MMAB: variants seen among roughly 807,000 people sequenced by gnomAD.
MMAB encodes corrinoid adenosyltransferase MMAB.
Under a neutral mutation model 30.6 loss-of-function variants are expected in MMAB, and 17 were observed. That is an observed-to-expected ratio of 0.56 (90% CI 0.38 to 0.83). MMAB has a LOEUF of 0.83. Among genes scored for constraint, MMAB ranks in the 40% least tolerant of loss-of-function variants. The pLI is 0.00. For missense variants in MMAB, 311 were observed against 331.6 expected, an observed-to-expected ratio of 0.94 and a Z score of 0.48; for synonymous variants, 134 against 138.6, an observed-to-expected ratio of 0.97 and a Z score of 0.23.
Position 109,561,716 on chromosome 12 carries a change from G to C in MMAB, c.421+64C>G. The C allele has an allele frequency of 6.8e-7, 1 of 1,469,256 alleles. No individual in the cohort carries two copies. The highest frequency in any genetic ancestry group is 9.3e-7 in the Non-Finnish European group (1 of 1,070,004). The allele number at this position is 1,469,256 out of a possible 1,614,324, so 91.0% of individuals were successfully genotyped here. On this transcript the variant is annotated intron_variant, in intron 5 of 8. Coordinates refer to ENST00000545712, the MANE Select transcript of MMAB (RefSeq NM_052845.4). This position sits in a 1 kb window ranked among gnomAD's most constrained non-coding sequence, Gnocchi z 5.3. The stretch of plus-strand genomic sequence containing the variant: ...CCCTGGGGGCCTGGGATCCCAGATG[G>C]TGACCCTAGGAGAGTCCCCTGACCC...
At position 109,554,586 on chromosome 12, in the gene MMAB, CTGAT is replaced by C. The variant is rs1453552267; in HGVS notation, c.*2438_*2441del. ...AACCCCGTGTTCCCGTGCAATGGGACTGATTGTTTCTGAGAGTTGCCAGTGGTGT... is the reference window on the plus strand; with the variant it reads ...AACCCCGTGTTCCCGTGCAATGGGACTGTTTCTGAGAGTTGCCAGTGGTGT... On this transcript the variant is annotated 3_prime_UTR_variant, in exon 9 of 9. Coordinates refer to ENST00000545712, the MANE Select transcript of MMAB (RefSeq NM_052845.4). 4 of 453,982 alleles carry C rather than the reference CTGAT, an allele frequency of 8.8e-6. No individual in the cohort carries two copies. The highest frequency in any genetic ancestry group is 1.8e-5 in the Non-Finnish European group (4 of 226,808). The allele number at this position is 453,982 out of a possible 1,614,324, so 28.1% of individuals were successfully genotyped here. A position where few individuals can be genotyped will look rare whatever the true frequency, so the allele number is the denominator to read the frequency against.
chr12:109,559,225 C>T (rs1427575310), intron 7 of MMAB, 70 bp from the exon 8 acceptor site: 4 of 1,195,010 alleles, frequency 3.3e-6, no homozygotes, highest in Non-Finnish European at 5.0e-6. Flanking sequence ...GGGCCTAAAC[C>T]TTGAGCAGCA....
intron 3 of MMAB, 114 bp from the exon 4 acceptor site, chr12:109,565,290 G>A: frequency 1.2e-6 from 1 of 807,994 alleles, no homozygotes; most frequent in South Asian, 1.4e-5. Flanking sequence ...AGCTATAATA[G>A]CCATGTTATT....
At chr12:109,573,017 G>T (rs951198205) in intron 1 of MMAB, among the ~76,000 whole-genome samples, 6 of 152,224 alleles carry the variant, frequency 3.9e-5, no homozygotes, top group Admixed American at 1.3e-4. Context: ...AGGAATATGA[G>T]GAAAGCCATC....
rs1490992811 is a variant in MMAB at position 109,561,699 on chromosome 12, G to A, written c.421+81C>T. Reference sequence around the variant, plus strand: ...CTGACCCACCCGTGGGTCCCTGGGGGCCTGGGATCCCAGATGGTGACCCTA... The same window carrying A: ...CTGACCCACCCGTGGGTCCCTGGGGACCTGGGATCCCAGATGGTGACCCTA... On this transcript the variant is annotated intron_variant, in intron 5 of 8. Transcript: ENST00000545712. This position sits in a 1 kb window ranked among gnomAD's most constrained non-coding sequence, Gnocchi z 5.3. 17 of 1,380,624 alleles carry A rather than the reference G, an allele frequency of 1.2e-5. No homozygotes were observed. The highest frequency in any genetic ancestry group is 2.5e-5 in the South Asian group (2 of 80,824). 85.5% of individuals were successfully genotyped at this position (1,380,624 alleles called of 1,614,324 possible). A position where few individuals can be genotyped will look rare whatever the true frequency, so the allele number is the denominator to read the frequency against.
intron 7 of MMAB, among the ~76,000 whole-genome samples, chr12:109,559,864 CAG>C (rs1884129809): frequency 6.6e-6 from 1 of 152,252 alleles, no homozygotes; most frequent in South Asian, 2.1e-4. Context: ...AGGCCTGTCA[CAG>C]AGCTCCAGGC....
At chr12:109,566,268 G>T (rs1884424185) in intron 3 of MMAB, among the ~76,000 whole-genome samples, 1 of 152,226 alleles carries the variant, frequency 6.6e-6, no homozygotes, top group African/African-American at 2.4e-5. Flanking sequence ...GAATCGAGGT[G>T]GCACAGCCAC....
At chr12:109,563,290 C>T (rs1209875463) in intron 4 of MMAB, among the ~76,000 whole-genome samples, 1 of 152,222 alleles carries the variant, frequency 6.6e-6, no homozygotes, top group African/African-American at 2.4e-5. Flanking sequence ...GGGGGCTGGG[C>T]AAGTCAGCCT....
In MMAB at chr12:109,555,663, C is replaced by T. The variant is rs1260397187; in HGVS notation, c.*1365G>A. ...CGGAACAAAGCCACCTCCTGGAAGG[C>T]ATTCACACACTCCTGGTCATCTGCA... is the stretch of plus-strand genomic sequence containing the variant. On this transcript the variant is annotated 3_prime_UTR_variant, in exon 9 of 9. Transcript: ENST00000545712. The T allele has an allele frequency of 2.2e-6, 1 of 451,688 alleles. No individual in the cohort carries two copies. The highest frequency in any genetic ancestry group is 4.4e-6 in the Non-Finnish European group (1 of 225,136). 28.0% of individuals were successfully genotyped at this position (451,688 alleles called of 1,614,324 possible). A position where few individuals can be genotyped will look rare whatever the true frequency, so the allele number is the denominator to read the frequency against.
intron 8 of MMAB, among the ~76,000 whole-genome samples, chr12:109,557,779 C>T (rs1366006701): frequency 6.6e-6 from 1 of 152,222 alleles, no homozygotes; most frequent in Non-Finnish European, 1.5e-5. Context: ...CTCCAAACAT[C>T]GCCAAAGGTA....
In MMAB at chr12:109,561,193, C is replaced by T. The variant is rs769808582; in HGVS notation, c.520-89G>A. ...CTCCTCTGAAGTCCAGCCCTGCCCC[C>T]CAAACCGGGCAGTGTTCTGCCTCCA... On this transcript the variant is annotated intron_variant, in intron 6 of 8. Coordinates refer to ENST00000545712, the MANE Select transcript of MMAB (RefSeq NM_052845.4). This position sits in a 1 kb window ranked among gnomAD's most constrained non-coding sequence, Gnocchi z 5.3. 2 of 1,595,106 alleles carry T rather than the reference C, an allele frequency of 1.3e-6. No individual in the cohort carries two copies. Among genetic ancestry groups the T allele is most frequent in the South Asian group, 2.2e-5 (2 of 90,938 alleles).
At position 109,564,248 on chromosome 12, in the gene MMAB, C is replaced by T. The variant is rs188887944; in HGVS notation, c.348+871G>A. ...AAAAATGTCTCCAGATATTGCTCAGCGGGCCCTGAGGGGCAGAATGGCCCT... is the reference window on the plus strand; with the variant it reads ...AAAAATGTCTCCAGATATTGCTCAGTGGGCCCTGAGGGGCAGAATGGCCCT... On this transcript the variant is annotated intron_variant, in intron 4 of 8. Coordinates refer to ENST00000545712, the MANE Select transcript of MMAB (RefSeq NM_052845.4). Among the ~76,000 whole-genome samples the T allele has an allele frequency of 5.3e-5, 8 of 152,330 alleles. No homozygotes were observed. In the East Asian group the frequency reaches 9.6e-4, roughly 18 times the overall value.
chr12:109,570,099 TA>T, intron 2 of MMAB: 1 of 330,494 alleles, frequency 3.0e-6, no homozygotes, highest in South Asian at 2.2e-5. Flanking sequence ...CCGTCTCTAC[TA>T]AAAACAGAAA....
Position 109,554,184 on chromosome 12 carries a change from CCCCACCCAATG to C in MMAB, c.*2833_*2843del, listed in dbSNP as rs1002401861. 1 of 453,288 alleles carries C rather than the reference CCCCACCCAATG, an allele frequency of 2.2e-6. No individual in the cohort carries two copies. The highest frequency in any genetic ancestry group is 4.4e-6 in the Non-Finnish European group (1 of 226,064). The allele number at this position is 453,288 out of a possible 1,614,324, so 28.1% of individuals were successfully genotyped here. A position where few individuals can be genotyped will look rare whatever the true frequency, so the allele number is the denominator to read the frequency against. ...ACTGACTCCCCAGGACAACTTGGTT[CCCCACCCAATG>C]CCTCCTTCCAGGGCTGCTATGGGGT... On this transcript the variant is annotated 3_prime_UTR_variant, in exon 9 of 9. Transcript: ENST00000545712.
At position 109,555,864 on chromosome 12, in the gene MMAB, CAAGA is replaced by C; in HGVS notation, c.*1160_*1163del. 2.2e-6 allele frequency: 1 copy of C among 454,092 alleles called. No individual in the cohort carries two copies. Among genetic ancestry groups the C allele is most frequent in the Non-Finnish European group, 4.4e-6 (1 of 226,786 alleles). The allele number at this position is 454,092 out of a possible 1,614,324, so 28.1% of individuals were successfully genotyped here. On this transcript the variant is annotated 3_prime_UTR_variant, in exon 9 of 9. Coordinates refer to ENST00000545712, the MANE Select transcript of MMAB (RefSeq NM_052845.4). The stretch of plus-strand genomic sequence containing the variant: ...AAGGTAATGTTTGCTGACTTGCCAG[CAAGA>C]AAGATGGCCGGAAAGACCAGCTGTC...
At chr12:109,567,914 A>C (rs1593003703) in intron 3 of MMAB, 1 of 152,106 alleles carries the variant, frequency 6.6e-6, no homozygotes, top group Non-Finnish European at 1.5e-5. Flanking sequence ...CTGGGATTAG[A>C]CATGTGAGCC....
At chr12:109,570,988 AAAT>A (rs1189975491) in intron 2 of MMAB, among the ~76,000 whole-genome samples, 2 of 152,128 alleles carry the variant, frequency 1.3e-5, no homozygotes, top group Non-Finnish European at 2.9e-5. Context: ...TCATTATAAA[AAAT>A]AATAAAATAG....
rs532231230 is a variant in MMAB at position 109,569,649 on chromosome 12, T to C, written c.197-786A>G. Among the ~76,000 whole-genome samples the C allele has an allele frequency of 7.9e-5, 12 of 152,344 alleles. No individual in the cohort carries two copies. Among genetic ancestry groups the C allele is most frequent in the African/African-American group, 2.9e-4 (12 of 41,572 alleles). Reference sequence around the variant, plus strand: ...GAAAGTGAAAACTGCCCCTGACAGTTTGGAGCTGGCTTTCGCTATCGGGCA... The same window carrying C: ...GAAAGTGAAAACTGCCCCTGACAGTCTGGAGCTGGCTTTCGCTATCGGGCA... On this transcript the variant is annotated intron_variant, in intron 2 of 8. Coordinates refer to ENST00000545712, the MANE Select transcript of MMAB (RefSeq NM_052845.4). This position sits in a 1 kb window ranked among gnomAD's most constrained non-coding sequence, Gnocchi z 4.1.
chr12:109,571,719 A>G lies in MMAB; in HGVS notation c.135-9T>C. The G allele has an allele frequency of 3.1e-6, 5 of 1,613,502 alleles. No homozygotes were observed. The highest frequency in any genetic ancestry group is 4.2e-6 in the Non-Finnish European group (5 of 1,179,490). The stretch of plus-strand genomic sequence containing the variant: ...TCGAGGAAGGCTGTGGCCTAATGAG[A>G]AATAAACATCAGTATCTGGTGAGTG... On this transcript the variant is annotated splice_polypyrimidine_tract_variant and intron_variant, in intron 1 of 8. Coordinates refer to ENST00000545712, the MANE Select transcript of MMAB (RefSeq NM_052845.4).
Sources: gnomAD v4.1 joint callset for allele counts (sites outside exome capture counted in the v4.1 genomes callset) on GRCh38, gnomAD v4.1.1 for gene constraint, Gnocchi (gnomAD v3.1) non-coding constraint, MANE v1.5 for transcripts, NCBI Gene and HGNC (gene_info 2026-07-23, HGNC 2026-07-21) for gene names.